Variants in SCMH1 observed in about 807,000 individuals in gnomAD.
The protein encoded by SCMH1 is Scm polycomb group protein homolog 1.
A neutral mutation model predicts 70.8 loss-of-function variants in SCMH1; 37 were observed. The ratio of observed to expected loss-of-function variants is 0.52; its 90% confidence interval spans 0.40 to 0.69. SCMH1 has a LOEUF of 0.69. SCMH1 is among the 30% of genes least tolerant of loss of function. The pLI is 0.00. For synonymous variants in SCMH1, 292 were observed against 307.4 expected, an observed-to-expected ratio of 0.95 and a Z score of 0.52; for missense variants, 607 against 827.3, an observed-to-expected ratio of 0.73 and a Z score of 3.27.
chr1:41,183,803 A>G (rs1235485435), intron 2 of SCMH1, among the ~76,000 whole-genome samples: 1 of 152,228 alleles, frequency 6.6e-6, no homozygotes, highest in African/African-American at 2.4e-5. Flanking sequence ...TAAGATATCA[A>G]TTATTCATAT....
intron 8 of SCMH1, among the ~76,000 whole-genome samples, chr1:41,084,047 A>T (rs1186123655): frequency 6.6e-6 from 1 of 152,174 alleles, no homozygotes; most frequent in Non-Finnish European, 1.5e-5. Context: ...AGGCATTACC[A>T]TTCAGGACAC....
intron 11 of SCMH1, among the ~76,000 whole-genome samples, chr1:41,047,068 T>G (rs1207079135): frequency 6.6e-6 from 1 of 152,210 alleles, no homozygotes; most frequent in Non-Finnish European, 1.5e-5. Flanking sequence ...TGGCAACATT[T>G]GGAACTGTTT....
At chr1:41,215,802 G>A (rs570004466) in intron 1 of SCMH1, among the ~76,000 whole-genome samples, 4 of 152,034 alleles carry the variant, frequency 2.6e-5, no homozygotes, top group Non-Finnish European at 4.4e-5. Context: ...AAGCCCTAAG[G>A]GATGTCTCAT....
At chr1:41,192,504 AC>A (rs1651961450) in intron 1 of SCMH1, among the ~76,000 whole-genome samples, 9 of 151,664 alleles carry the variant, frequency 5.9e-5, no homozygotes, top group African/African-American at 2.2e-4. Context: ...AGACACACAC[AC>A]ACACACACAC....
At chr1:41,228,207 T>C (rs932513248) in intron 1 of SCMH1, among the ~76,000 whole-genome samples, 2 of 152,268 alleles carry the variant, frequency 1.3e-5, no homozygotes, top group Non-Finnish European at 1.5e-5. Flanking sequence ...CAATTGTTCA[T>C]TGTTCTCCCC....
intron 9 of SCMH1, among the ~76,000 whole-genome samples, chr1:41,071,073 C>G (rs1304696031): frequency 2.0e-5 from 3 of 152,002 alleles, no homozygotes; most frequent in Non-Finnish European, 4.4e-5. Context: ...TTACTTTGTA[C>G]TTTATTTCTC....
At chr1:41,076,954 C>T (rs1395643404) in intron 8 of SCMH1, among the ~76,000 whole-genome samples, 1 of 152,150 alleles carries the variant, frequency 6.6e-6, no homozygotes, top group African/African-American at 2.4e-5. Context: ...AGAAGGACCA[C>T]TCTGACTGCT....
chr1:41,241,794 G>A (rs1663620623), intron 1 of SCMH1, among the ~76,000 whole-genome samples: 1 of 151,858 alleles, frequency 6.6e-6, no homozygotes, highest in Non-Finnish European at 1.5e-5. Flanking sequence ...CGGCGTCAGG[G>A]CCGCGACCGG....
At chr1:41,239,869 CAA>C (rs1663157732) in intron 1 of SCMH1, among the ~76,000 whole-genome samples, 1 of 152,150 alleles carries the variant, frequency 6.6e-6, no homozygotes, top group Admixed American at 6.5e-5. Context: ...CTCCTGGCCT[CAA>C]AGAGTTGCCT....
intron 1 of SCMH1, among the ~76,000 whole-genome samples, chr1:41,234,818 T>C (rs1342654463): frequency 6.6e-6 from 1 of 152,122 alleles, no homozygotes; most frequent in Non-Finnish European, 1.5e-5. Flanking sequence ...AAAGATTCAG[T>C]TCAAAAGTCA....
At position 41,113,636 on chromosome 1, in the gene SCMH1, A is replaced by G; in HGVS notation, c.502-110T>C. 1.8e-6 allele frequency: 2 copies of G among 1,127,748 alleles called. No individual in the cohort carries two copies. Among genetic ancestry groups the G allele is most frequent in the Non-Finnish European group, 2.5e-6 (2 of 811,724 alleles). 69.9% of individuals were successfully genotyped at this position (1,127,748 alleles called of 1,614,324 possible). On this transcript the variant is annotated intron_variant, in intron 7 of 14. Transcript: ENST00000337495. This position sits in a 1 kb window ranked among gnomAD's most constrained non-coding sequence, Gnocchi z 4.3. ...AAAGTGACTGCTACATGAGACTTAT[A>G]ATGGATATATAGCCTTTCTTTTAAA... is the stretch of plus-strand genomic sequence containing the variant.
At chr1:41,073,797 T>C (rs768823780) in intron 9 of SCMH1, among the ~76,000 whole-genome samples, 6 of 152,052 alleles carry the variant, frequency 3.9e-5, no homozygotes, top group African/African-American at 7.2e-5. Context: ...GAGGAGCTTA[T>C]ATTGTACAAG....
chr1:41,233,517 G>C lies in SCMH1; in HGVS notation c.-118+8542C>G, dbSNP rs560118314. Among the ~76,000 whole-genome samples, 27 of 152,214 alleles carry C rather than the reference G, an allele frequency of 1.8e-4. No individual in the cohort carries two copies. The South Asian group carries it at 5.6e-3, about 32-fold the overall frequency. On this transcript the variant is annotated intron_variant, in intron 1 of 14. Transcript: ENST00000337495. ...ATATCAAGTACTTAAATATGGAGAT[G>C]ATCTATTTTTAATAGTCCCTGATTA...
chr1:41,058,722 G>C (rs1651496932), intron 10 of SCMH1, among the ~76,000 whole-genome samples: 1 of 152,104 alleles, frequency 6.6e-6, no homozygotes, highest in Admixed American at 6.5e-5. Context: ...AGGCGGTAAG[G>C]GGAATGGTTA....
intron 10 of SCMH1, among the ~76,000 whole-genome samples, chr1:41,060,392 G>A (rs1002136133): frequency 6.6e-6 from 1 of 151,446 alleles, no homozygotes; most frequent in Non-Finnish European, 1.5e-5. Context: ...AATATTTAAA[G>A]TGTTGAGAGA....
chr1:41,063,475 A>T (rs900092509), intron 10 of SCMH1, among the ~76,000 whole-genome samples: 7 of 151,940 alleles, frequency 4.6e-5, no homozygotes, highest in Non-Finnish European at 2.9e-5. Flanking sequence ...TCTGTCTAAA[A>T]AATAATAATA....
intron 1 of SCMH1, among the ~76,000 whole-genome samples, chr1:41,191,776 A>C (rs1651774448): frequency 6.6e-6 from 1 of 152,190 alleles, no homozygotes; most frequent in African/African-American, 2.4e-5. Flanking sequence ...AAAGGGGTAA[A>C]TATTTACCAT....
chr1:41,180,341 C>A (rs1164602845), intron 2 of SCMH1, among the ~76,000 whole-genome samples: 1 of 152,186 alleles, frequency 6.6e-6, no homozygotes. Flanking sequence ...TCCTATTCAA[C>A]ATAGTGTTGG....
intron 1 of SCMH1, among the ~76,000 whole-genome samples, chr1:41,240,325 G>A (rs1165619370): frequency 6.6e-6 from 1 of 152,160 alleles, no homozygotes; most frequent in Admixed American, 6.5e-5. Flanking sequence ...TATCTACAAG[G>A]CCATCTCATC....
Sources: allele counts gnomAD v4.1 joint callset (sites outside exome capture counted in the v4.1 genomes callset), GRCh38; gene constraint gnomAD v4.1.1; non-coding constraint Gnocchi (gnomAD v3.1); transcripts MANE v1.5; gene names NCBI Gene and HGNC (gene_info 2026-07-23, HGNC 2026-07-21).